CDH6: variants seen among roughly 807,000 people sequenced by gnomAD.
CDH6 encodes cadherin 6.
Under a neutral mutation model 78.0 loss-of-function variants are expected in CDH6, and 31 were observed. The observed-to-expected ratio is 0.40, with a 90% CI of 0.30 to 0.54. The LOEUF is 0.54. CDH6 is among the 20% of genes least tolerant of loss of function. The pLI is 0.56. For synonymous variants in CDH6, 376 were observed against 368.8 expected (o/e 1.02, Z -0.23); for missense variants, 724 against 975.9 (o/e 0.74, Z 3.44).
At chr5:31,204,222 T>C (rs1740451013) in intron 1 of CDH6, among the ~76,000 whole-genome samples, 1 of 152,212 alleles carries the variant, frequency 6.6e-6, no homozygotes, top group Non-Finnish European at 1.5e-5. Flanking sequence ...CAAAGAGCAC[T>C]GTGGTTTGTT....
At chr5:31,252,929 A>C (rs1741947798) in intron 1 of CDH6, among the ~76,000 whole-genome samples, 1 of 152,232 alleles carries the variant, frequency 6.6e-6, no homozygotes, top group South Asian at 2.1e-4. Flanking sequence ...CTGATAATGT[A>C]GCAATGTGCT....
At chr5:31,268,445 A>G (rs536056917) in intron 2 of CDH6, among the ~76,000 whole-genome samples, 2 of 152,322 alleles carry the variant, frequency 1.3e-5, no homozygotes, top group African/African-American at 2.4e-5. Flanking sequence ...GAGTCAGGGA[A>G]ACAGCTTGGT....
intron 1 of CDH6, among the ~76,000 whole-genome samples, chr5:31,263,441 C>CTT (rs35835971): frequency 1.3e-4 from 13 of 103,648 alleles, no homozygotes; most frequent in South Asian, 3.6e-4. Flanking sequence ...TTTTTGGGGT[C>CTT]TTTTTTTTTT....
chr5:31,283,802 T>G (rs1742931937), intron 2 of CDH6, among the ~76,000 whole-genome samples: 1 of 149,512 alleles, frequency 6.7e-6, no homozygotes, highest in African/African-American at 2.4e-5. Context: ...AAAATAGATT[T>G]TCTAGATTCT....
chr5:31,273,853 A>G (rs1439977862), intron 2 of CDH6, among the ~76,000 whole-genome samples: 1 of 152,232 alleles, frequency 6.6e-6, no homozygotes, highest in Non-Finnish European at 1.5e-5. Context: ...CAAAATAGTT[A>G]CATGTGAGCA....
chr5:31,246,952 T>C (rs1741765578), intron 1 of CDH6, among the ~76,000 whole-genome samples: 1 of 152,178 alleles, frequency 6.6e-6, no homozygotes, highest in Non-Finnish European at 1.5e-5. Flanking sequence ...GGTTTCACCA[T>C]GTTAGCCAGG....
At chr5:31,297,216 G>GCTGGTTT in intron 3 of CDH6, 73 bp from the exon 4 acceptor site, 2 of 1,282,696 alleles carry the variant, frequency 1.6e-6, no homozygotes, top group African/African-American at 1.5e-5. Context: ...TTAAGATCGT[G>GCTGGTTT]CTGGTTTTGG....
At chr5:31,232,705 G>T (rs1403446321) in intron 1 of CDH6, among the ~76,000 whole-genome samples, 1 of 152,180 alleles carries the variant, frequency 6.6e-6, no homozygotes, top group East Asian at 1.9e-4. Context: ...TATTGGTTTT[G>T]CTTGTGAGAA....
chr5:31,224,701 G>A (rs527994282), intron 1 of CDH6, among the ~76,000 whole-genome samples: 1 of 152,026 alleles, frequency 6.6e-6, no homozygotes, highest in East Asian at 1.9e-4. Context: ...CTACAGGCAC[G>A]TGCCACCACA....
At position 31,311,415 on chromosome 5, in the gene CDH6, G is replaced by A. The variant is rs565330568; in HGVS notation, c.1254-1903G>A. Among the ~76,000 whole-genome samples, 9 of 152,288 alleles carry A rather than the reference G, an allele frequency of 5.9e-5. No individual in the cohort carries two copies. The South Asian group carries it at 1.9e-3, about 32-fold the overall frequency. Reference sequence around the variant, plus strand: ...GTCAAAACCTTTCAACAAGTCTCTAGGAAGTTCCAGACTTTCCCACATCTT... The same window carrying A: ...GTCAAAACCTTTCAACAAGTCTCTAAGAAGTTCCAGACTTTCCCACATCTT... On this transcript the variant is annotated intron_variant, in intron 7 of 11. Transcript: ENST00000265071.
At chr5:31,242,708 G>T (rs896520544) in intron 1 of CDH6, among the ~76,000 whole-genome samples, 4 of 150,326 alleles carry the variant, frequency 2.7e-5, no homozygotes, top group African/African-American at 9.8e-5. Context: ...GAATGGGGGG[G>T]GGCGGTTAGA....
chr5:31,319,882 A>G (rs13168362), intron 11 of CDH6, among the ~76,000 whole-genome samples: 6,919 of 152,320 alleles, frequency 0.045, 264 homozygotes, highest in Non-Finnish European at 0.07. Flanking sequence ...TAACTCATTC[A>G]TGACAATAAG....
At chr5:31,239,715 G>A (rs1320884050) in intron 1 of CDH6, among the ~76,000 whole-genome samples, 5 of 152,202 alleles carry the variant, frequency 3.3e-5, no homozygotes, top group African/African-American at 1.2e-4. Flanking sequence ...GATGAAAAGT[G>A]AAGAATCTGA....
At chr5:31,256,621 C>T (rs1332193518) in intron 1 of CDH6, among the ~76,000 whole-genome samples, 2 of 152,076 alleles carry the variant, frequency 1.3e-5, no homozygotes, top group African/African-American at 4.8e-5. Flanking sequence ...GGTCTTCATC[C>T]AACACTCCTG....
Position 31,328,743 on chromosome 5 carries a change from G to A in CDH6, c.*5435G>A. Reference sequence around the variant, plus strand: ...CGGATGCCACCCTTGAAGATTTACTGGCGGGAATGCTCACTCTTGTCGTTT... The same window carrying A: ...CGGATGCCACCCTTGAAGATTTACTAGCGGGAATGCTCACTCTTGTCGTTT... On this transcript the variant is annotated 3_prime_UTR_variant, in exon 12 of 12. Transcript: ENST00000265071. The A allele has an allele frequency of 4.6e-6, 1 of 216,278 alleles. No homozygotes were observed. The highest frequency in any genetic ancestry group is 9.3e-6 in the Non-Finnish European group (1 of 107,244). The allele number at this position is 216,278 out of a possible 1,614,324, so 13.4% of individuals were successfully genotyped here.
At position 31,324,688 on chromosome 5, in the gene CDH6, A is replaced by G; in HGVS notation, c.*1380A>G. 1 of 210,590 alleles carries G rather than the reference A, an allele frequency of 4.7e-6. No homozygotes were observed. 13.0% of individuals were successfully genotyped at this position (210,590 alleles called of 1,614,324 possible). On this transcript the variant is annotated 3_prime_UTR_variant, in exon 12 of 12. Coordinates refer to ENST00000265071, the MANE Select transcript of CDH6 (RefSeq NM_004932.4). Reference sequence around the variant, plus strand: ...TAATGATCTCAAACTATGACAGAAAAGTAATGTAAAATCCATCCAATCTAT... The same window carrying G: ...TAATGATCTCAAACTATGACAGAAAGGTAATGTAAAATCCATCCAATCTAT...
chr5:31,216,381 T>A (rs1579822948), intron 1 of CDH6, among the ~76,000 whole-genome samples: 1 of 152,128 alleles, frequency 6.6e-6, no homozygotes, highest in Non-Finnish European at 1.5e-5. Flanking sequence ...TGTCCATTTT[T>A]AAATAGTTAA....
Position 31,198,610 on chromosome 5 carries a change from A to C in CDH6, c.-129+4724A>C, listed in dbSNP as rs79274101. On this transcript the variant is annotated intron_variant, in intron 1 of 11. Transcript: ENST00000265071. ...AGATATCCAAGAGACCTAATAAGTT[A>C]TAGGAAGAGAAAACAGCAAGAAAAA... Among the ~76,000 whole-genome samples, 241 of 152,292 alleles carry C rather than the reference A, an allele frequency of 1.6e-3. 7 individuals are homozygous for C. The South Asian group carries it at 0.03, about 19-fold the overall frequency.
chr5:31,323,922 C>T lies in CDH6; in HGVS notation c.*614C>T, dbSNP rs1469534266. The T allele has an allele frequency of 2.2e-5, 5 of 228,830 alleles. No individual in the cohort carries two copies. Among genetic ancestry groups the T allele is most frequent in the South Asian group, 1.8e-4 (1 of 5,510 alleles). The allele number at this position is 228,830 out of a possible 1,614,324, so 14.2% of individuals were successfully genotyped here. On this transcript the variant is annotated 3_prime_UTR_variant, in exon 12 of 12. Transcript: ENST00000265071. Reference sequence around the variant, plus strand: ...TCTTAAGGAATAGAAGCAAATTAAACGGTAACATCCAAAAGCAACCACAAA... The same window carrying T: ...TCTTAAGGAATAGAAGCAAATTAAATGGTAACATCCAAAAGCAACCACAAA...
Sources: gnomAD v4.1 joint callset for allele counts (sites outside exome capture counted in the v4.1 genomes callset) on GRCh38, gnomAD v4.1.1 for gene constraint, MANE v1.5 for transcripts, NCBI Gene and HGNC (gene_info 2026-07-23, HGNC 2026-07-21) for gene names.